The following CDK5RAP2 variants were observed in gnomAD, a reference collection of about 807,000 sequenced individuals.
CDK5RAP2 encodes the protein CDK5 regulatory subunit associated protein 2, also known as CDK5 regulatory subunit-associated protein 2.
CDK5RAP2 carries 147 observed loss-of-function variants against 232.9 expected under a neutral mutation model. That is an observed-to-expected ratio of 0.63 (90% confidence interval 0.55 to 0.72). The LOEUF (loss-of-function observed/expected upper bound fraction) is 0.72, where lower values mean the gene tolerates loss of function less well. CDK5RAP2 is among the 30% of genes least tolerant of loss of function. The pLI, the probability that CDK5RAP2 is intolerant of heterozygous loss-of-function variation, is 0.00. For missense variants in CDK5RAP2, 2,195 were observed against 2,231.5 expected, an observed-to-expected ratio of 0.98 and a Z score of 0.33; for synonymous variants, 833 against 833.7, an observed-to-expected ratio of 1.00 and a Z score of 0.01.
intron 1 of CDK5RAP2, among the ~76,000 whole-genome samples, chr9:120,573,317 G>C (rs964156430): frequency 6.6e-6 from 1 of 152,188 alleles, no homozygotes; most frequent in Non-Finnish European, 1.5e-5. Flanking sequence ...GGGAGGCCAA[G>C]GCTGGTGCAT....
At chr9:120,470,250 G>A (rs752641807) in intron 16 of CDK5RAP2, 30 bp from the exon 17 acceptor site, 2 of 1,059,652 alleles carry the variant, frequency 1.9e-6, no homozygotes, top group South Asian at 2.9e-5. Flanking sequence ...AAAAGGTGGG[G>A]AGGGGGAGGA....
At chr9:120,489,809 C>CTT (rs796201909) in intron 13 of CDK5RAP2, among the ~76,000 whole-genome samples, 23 of 138,278 alleles carry the variant, frequency 1.7e-4, no homozygotes, top group African/African-American at 4.8e-4. Flanking sequence ...TTTGTCTTTC[C>CTT]TTTTTTTTTT....
intron 18 of CDK5RAP2, among the ~76,000 whole-genome samples, chr9:120,465,090 A>C (rs1276581699): frequency 6.6e-6 from 1 of 152,244 alleles, no homozygotes; most frequent in East Asian, 1.9e-4. Context: ...ACGTCAAAAA[A>C]AAGTGAGTTT....
intron 15 of CDK5RAP2, among the ~76,000 whole-genome samples, chr9:120,473,369 G>A (rs1313965503): frequency 6.6e-6 from 1 of 152,158 alleles, no homozygotes; most frequent in Non-Finnish European, 1.5e-5. Flanking sequence ...TTTTTCTAGG[G>A]AGAGGGCCTA....
rs2034638808 is a variant in CDK5RAP2 at position 120,422,693 on chromosome 9, C to T, written c.4004G>A (p.Arg1335Lys). The T allele has an allele frequency of 6.2e-7, 1 of 1,610,176 alleles. No individual in the cohort carries two copies. Among genetic ancestry groups the T allele is most frequent in the African/African-American group, 1.3e-5 (1 of 74,968 alleles). ...EMNTQNELMERIEEDNLTYQH... is the reference protein window; with the variant it reads ...EMNTQNELMEKIEEDNLTYQH... ...TTCTTAACAAATGTTACACACTCAC[C>T]TCTCCATCAGTTCATTCTGGGTGTT... Residue 1335 changes from arginine (R) to lysine (K), a missense_variant and splice_region_variant, in exon 26 of 38, where the codon AGG becomes AAG. Arg to Lys is a conservative substitution (Grantham distance 26). Transcript: ENST00000349780.
At chr9:120,414,894 G>A in intron 28 of CDK5RAP2, 146 bp downstream of exon 28, 1 of 846,696 alleles carries the variant, frequency 1.2e-6, no homozygotes, top group Non-Finnish European at 1.9e-6. Context: ...CACAATTCAG[G>A]ATGCCAGAGG....
At chr9:120,578,788 CA>C (rs2043135649) in intron 1 of CDK5RAP2, among the ~76,000 whole-genome samples, 1 of 152,038 alleles carries the variant, frequency 6.6e-6, no homozygotes, top group Admixed American at 6.6e-5. Context: ...GCTGATCTCA[CA>C]CTCCTGAGCT....
At chr9:120,471,623 AG>A in intron 16 of CDK5RAP2, 124 bp downstream of exon 16, 5 of 1,355,724 alleles carry the variant, frequency 3.7e-6, no homozygotes, top group South Asian at 2.3e-5. Context: ...CACCACAAAA[AG>A]GATCTCCAAA....
At chr9:120,506,814 T>C (rs1480075941) in intron 12 of CDK5RAP2, among the ~76,000 whole-genome samples, 1 of 152,176 alleles carries the variant, frequency 6.6e-6, no homozygotes, top group Non-Finnish European at 1.5e-5. Flanking sequence ...AGAAAGTAGT[T>C]TGTTGAGATG....
chr9:120,396,875 G>C (rs750752055), intron 35 of CDK5RAP2, among the ~76,000 whole-genome samples: 6 of 152,332 alleles, frequency 3.9e-5, no homozygotes, highest in Admixed American at 1.3e-4. Flanking sequence ...AGCAACAGCA[G>C]GGGCTCAAAG....
chr9:120,411,435 C>T lies in CDK5RAP2; in HGVS notation c.4337G>A (p.Ser1446Asn). The change falls in exon 29 of 38, where the codon AGT becomes AAT. Residue 1446 changes from serine to asparagine, a missense_variant. By Grantham distance (46) the Ser-to-Asn change is conservative. Coordinates refer to ENST00000349780, the MANE Select transcript of CDK5RAP2 (RefSeq NM_018249.6). ...SIFASGSELH[S>N]SLTSEIHFLR... ...GAAATGAATTTCTGATGTTAGAGAA[C>T]TATGAAGCTCTGAACCAGAAGCAAA... is the stretch of plus-strand genomic sequence containing the variant. 3.7e-6 allele frequency: 6 copies of T among 1,613,128 alleles called. No individual in the cohort carries two copies. The highest frequency in any genetic ancestry group is 5.1e-6 in the Non-Finnish European group (6 of 1,179,226).
intron 3 of CDK5RAP2, among the ~76,000 whole-genome samples, chr9:120,558,078 T>G (rs967039302): frequency 7.0e-6 from 1 of 143,778 alleles, no homozygotes. Context: ...GAAATTCTTT[T>G]TTAAAAAATT....
chr9:120,516,833 A>T (rs568047101), intron 12 of CDK5RAP2, among the ~76,000 whole-genome samples: 1 of 152,306 alleles, frequency 6.6e-6, no homozygotes, highest in Non-Finnish European at 1.5e-5. Flanking sequence ...TGTCCCAAAA[A>T]ATATGTATGT....
chr9:120,563,095 A>G (rs1399899308), intron 3 of CDK5RAP2, among the ~76,000 whole-genome samples: 2 of 152,178 alleles, frequency 1.3e-5, no homozygotes, highest in Non-Finnish European at 2.9e-5. Context: ...GCTAGAAGAC[A>G]GAATCATGAG....
chr9:120,473,802 C>T (rs965243137), intron 15 of CDK5RAP2, among the ~76,000 whole-genome samples: 2 of 152,214 alleles, frequency 1.3e-5, no homozygotes, highest in Non-Finnish European at 2.9e-5. Flanking sequence ...GAAGCTCCTG[C>T]GATTAGGGCT....
intron 8 of CDK5RAP2, 179 bp from the exon 9 acceptor site, chr9:120,528,976 A>T (rs974530563): frequency 1.6e-6 from 1 of 633,100 alleles, no homozygotes; most frequent in African/African-American, 1.8e-5. Flanking sequence ...GATTTGAATG[A>T]AGAAAAATGT....
At chr9:120,389,660 CA>C in intron 37 of CDK5RAP2, 80 bp downstream of exon 37, 2 of 1,354,728 alleles carry the variant, frequency 1.5e-6, no homozygotes, top group Non-Finnish European at 2.1e-6. Flanking sequence ...CCTGCACCTT[CA>C]TTTTTCAAGA....
intron 28 of CDK5RAP2, among the ~76,000 whole-genome samples, chr9:120,412,930 G>A (rs1017660618): frequency 2.0e-5 from 3 of 152,080 alleles, no homozygotes; most frequent in African/African-American, 7.2e-5. Context: ...GCGAACTCTG[G>A]TATCTTTTCA....
rs767969293 is a variant in CDK5RAP2, at chr9:120,448,123, C to G, written c.2797G>C (p.Ala933Pro). Residue 933 changes from alanine to proline, a missense_variant, in exon 22 of 38, where the codon GCT becomes CCT. Physicochemically the swap from Ala to Pro is conservative, Grantham distance 27. Transcript: ENST00000349780. ...AGGATTGGCAAGCGGGACTTCTTAG[C>G]CTCCTGAAAACACACATATGCAACA... ...LSLPGITNRE[A>P]KKSRLPILIK... 1 of 1,612,010 alleles carries G rather than the reference C, an allele frequency of 6.2e-7. No homozygotes were observed. Among genetic ancestry groups the G allele is most frequent in the Admixed American group, 1.7e-5 (1 of 60,012 alleles).
Sources: gnomAD v4.1 joint callset for allele counts (sites outside exome capture counted in the v4.1 genomes callset) on GRCh38, gnomAD v4.1.1 for gene constraint, MANE v1.5 for transcripts, NCBI Gene and HGNC (gene_info 2026-07-23, HGNC 2026-07-21) for gene names.